Variants in CAST observed in about 807,000 individuals in gnomAD.
The protein encoded by CAST is calpastatin.
Under a neutral mutation model 119.6 loss-of-function variants are expected in CAST, and 76 were observed. That is an observed-to-expected ratio of 0.64 (90% CI 0.53 to 0.77). The LOEUF (loss-of-function observed/expected upper bound fraction) is 0.77. Ranked by LOEUF, CAST falls within the 30% of genes least tolerant of loss-of-function variation. The probability of loss-of-function intolerance (pLI) is 0.00; values close to 1 mark genes in which losing one functional copy is unlikely to be tolerated. For synonymous variants in CAST, 319 were observed against 331.6 expected (o/e 0.96, Z 0.41); for missense variants, 953 against 946.5 (o/e 1.01, Z -0.09).
chr5:96,675,890 C>A, intron 2 of CAST: 2 of 283,998 alleles, frequency 7.0e-6, no homozygotes, highest in Non-Finnish European at 6.5e-6. Flanking sequence ...GTTTTGTTGG[C>A]GAATATGTCA....
At chr5:96,466,809 T>C in the CAST span, among the ~76,000 whole-genome samples, 1 of 152,142 alleles carries the variant, frequency 6.6e-6, no homozygotes, top group Non-Finnish European at 1.5e-5. Context: ...AATGGAATAA[T>C]GAATAACCTT....
intron 2 of CAST, among the ~76,000 whole-genome samples, chr5:96,677,168 C>CGGA (rs1358090809): frequency 6.6e-6 from 1 of 152,126 alleles, no homozygotes. Context: ...TTGAACACTT[C>CGGA]CTGATTGAAA....
At chr5:96,671,814 C>T (rs1402593968) in intron 1 of CAST, among the ~76,000 whole-genome samples, 2 of 152,232 alleles carry the variant, frequency 1.3e-5, no homozygotes, top group Non-Finnish European at 2.9e-5. Context: ...TCTCTTCGCT[C>T]TTTAGAAAGA....
chr5:96,141,188 C>G, the CAST span, among the ~76,000 whole-genome samples: 1 of 152,236 alleles, frequency 6.6e-6, no homozygotes, highest in Admixed American at 6.5e-5. Flanking sequence ...GTATGTAATA[C>G]ATCTTAAACT....
the CAST span, among the ~76,000 whole-genome samples, chr5:96,020,202 C>A: frequency 1.3e-5 from 2 of 152,112 alleles, no homozygotes. Context: ...TATTGCCTCC[C>A]ATATCAGAAT....
intron 1 of CAST, among the ~76,000 whole-genome samples, chr5:96,597,032 T>C (rs1747063631): frequency 6.6e-6 from 1 of 152,192 alleles, no homozygotes; most frequent in Non-Finnish European, 1.5e-5. Context: ...CTCTATCTCC[T>C]AATACAGTCA....
At chr5:96,425,872 T>G in the CAST span, 1 of 1,612,742 alleles carries the variant, frequency 6.2e-7, no homozygotes, top group Non-Finnish European at 8.5e-7. Flanking sequence ...TAGTGCTGAG[T>G]CCCTTAGAGC....
At chr5:96,522,329 G>A (rs955517562), upstream of CAST, among the ~76,000 whole-genome samples, 3 of 152,066 alleles carry the variant, frequency 2.0e-5, no homozygotes, top group African/African-American at 7.2e-5. Context: ...ATGTGTCCTT[G>A]GAGTGTTTTT....
the CAST span, among the ~76,000 whole-genome samples, chr5:96,241,732 G>C: frequency 0.078 from 9,422 of 120,652 alleles, 611 homozygotes; most frequent in Middle Eastern, 0.12. Flanking sequence ...CCTGTTGTTT[G>C]CTGACTTTTT....
the CAST span, among the ~76,000 whole-genome samples, chr5:96,218,538 C>T: frequency 1.3e-5 from 2 of 152,210 alleles, no homozygotes; most frequent in Non-Finnish European, 2.9e-5. Flanking sequence ...AAGTTTTCTT[C>T]CTCTTCCAGC....
At chr5:96,522,585 C>T (rs894201267), upstream of CAST, among the ~76,000 whole-genome samples, 2 of 152,162 alleles carry the variant, frequency 1.3e-5, no homozygotes, top group South Asian at 4.1e-4. Context: ...TCCTGGGCCT[C>T]CTGAACCTCA....
chr5:96,730,736 CAG>C, intron 8 of CAST, 42 bp from the exon 9 acceptor site: 1 of 1,373,404 alleles, frequency 7.3e-7, no homozygotes, highest in Middle Eastern at 1.8e-4. Context: ...AATAGCCATG[CAG>C]AGATACTTAG....
the CAST span, among the ~76,000 whole-genome samples, chr5:96,344,759 G>A: frequency 6.6e-6 from 1 of 152,328 alleles, no homozygotes; most frequent in South Asian, 2.1e-4. Flanking sequence ...ATGGCAGGTA[G>A]GCAGAGGTGA....
intron 24 of CAST, among the ~76,000 whole-genome samples, chr5:96,758,412 C>T (rs1766834238): frequency 6.6e-6 from 1 of 152,068 alleles, no homozygotes; most frequent in Non-Finnish European, 1.5e-5. Flanking sequence ...TTTTTATATG[C>T]AAATATATAG....
chr5:95,975,361 G>A, the CAST span, among the ~76,000 whole-genome samples: 3 of 152,090 alleles, frequency 2.0e-5, no homozygotes, highest in East Asian at 5.8e-4. Context: ...AGGTCCCTGG[G>A]CCCCAGCCCT....
intron 1 of CAST, among the ~76,000 whole-genome samples, chr5:96,578,123 G>T (rs907494808): frequency 3.9e-5 from 6 of 152,130 alleles, no homozygotes; most frequent in Non-Finnish European, 7.4e-5. Context: ...CTGTTGCTTG[G>T]TATGTAAACA....
the CAST span, among the ~76,000 whole-genome samples, chr5:96,078,285 A>C: frequency 4.0e-5 from 6 of 151,606 alleles, no homozygotes; most frequent in Non-Finnish European, 8.8e-5. Flanking sequence ...AGTTCTTAAC[A>C]CTCCCCTTCT....
chr5:96,081,975 G>A, the CAST span, among the ~76,000 whole-genome samples: 6 of 152,102 alleles, frequency 3.9e-5, no homozygotes, highest in African/African-American at 7.2e-5. Context: ...GTGTAGCGGC[G>A]TGATCTCGGC....
chr5:96,045,020 A>C, the CAST span, among the ~76,000 whole-genome samples: 1 of 152,180 alleles, frequency 6.6e-6, no homozygotes, highest in Non-Finnish European at 1.5e-5. Context: ...TTTATTTCTT[A>C]ATATGGCTGG....
Sources: gnomAD v4.1 joint callset for allele counts (sites outside exome capture counted in the v4.1 genomes callset) on GRCh38, gnomAD v4.1.1 for gene constraint, MANE v1.5 for transcripts, NCBI Gene and HGNC (gene_info 2026-07-23, HGNC 2026-07-21) for gene names.